MYLK4: variants seen among roughly 807,000 people sequenced by gnomAD.
MYLK4 encodes myosin light chain kinase family member 4.
Under a neutral mutation model 48.1 loss-of-function variants are expected in MYLK4, and 46 were observed. The observed-to-expected ratio is 0.96, with a 90% CI of 0.75 to 1.22. The LOEUF is 1.22. Ranked by LOEUF, MYLK4 falls within the 50% of genes most tolerant of loss-of-function variation. The pLI is 0.00. For missense variants in MYLK4, 451 were observed against 486.1 expected, an observed-to-expected ratio of 0.93 and a Z score of 0.68; for synonymous variants, 170 against 180.8, an observed-to-expected ratio of 0.94 and a Z score of 0.48.
intron 2 of MYLK4, among the ~76,000 whole-genome samples, chr6:2,731,669 G>A (rs1763483877): frequency 6.6e-6 from 1 of 152,138 alleles, no homozygotes; most frequent in East Asian, 1.9e-4. Flanking sequence ...GGTTGGTGGG[G>A]GAGGGGACTG....
chr6:2,739,851 G>T (rs4959724), intron 2 of MYLK4, among the ~76,000 whole-genome samples: 67,467 of 152,018 alleles, frequency 0.44, 15,391 homozygotes, highest in East Asian at 0.56. Flanking sequence ...TTTCACACAT[G>T]CATGGTACTT....
intron 2 of MYLK4, among the ~76,000 whole-genome samples, chr6:2,724,692 C>T (rs1197253417): frequency 1.3e-5 from 2 of 152,054 alleles, no homozygotes; most frequent in Non-Finnish European, 2.9e-5. Flanking sequence ...TGTAATGATG[C>T]GGTGAACACA....
At chr6:2,766,955 GTTTA>G in the MYLK4 span, among the ~76,000 whole-genome samples, 1 of 152,106 alleles carries the variant, frequency 6.6e-6, no homozygotes, top group Non-Finnish European at 1.5e-5. Context: ...TTAAGAATAA[GTTTA>G]TTTAACATTC....
At chr6:2,763,840 G>A in the MYLK4 span, among the ~76,000 whole-genome samples, 11 of 132,530 alleles carry the variant, frequency 8.3e-5, no homozygotes, top group African/African-American at 1.4e-4. Flanking sequence ...CACTGCTGAG[G>A]GACAAATGAA....
the MYLK4 span, chr6:2,766,132 C>T: frequency 3.2e-6 from 4 of 1,240,240 alleles, no homozygotes; most frequent in African/African-American, 1.6e-5. Context: ...AGGCCGTGGG[C>T]GACGGCGATG....
chr6:2,765,722 T>C, the MYLK4 span: 1 of 1,541,306 alleles, frequency 6.5e-7, no homozygotes, highest in South Asian at 1.2e-5. Flanking sequence ...GCACATCAAC[T>C]CGCACCTGGA....
At chr6:2,681,327 A>G (rs4607473) in intron 7 of MYLK4, among the ~76,000 whole-genome samples, 39,514 of 152,140 alleles carry the variant, frequency 0.26, 6,062 homozygotes, top group East Asian at 0.45. Context: ...ATTCAATAGT[A>G]CATTTGGTTG....
Position 2,683,049 on chromosome 6 carries a change from T to C in MYLK4, c.659A>G (p.Gln220Arg), listed in dbSNP as rs767621139. ...CAGGTCCAAGTGGAGAATGTACATC[T>C]GATGCATGTGCCTTATCCCCTCACA... ...QICEGIRHMH[Q>R]MYILHLDLKP... The change falls in exon 7 of 13, where the codon CAG becomes CGG. Residue 220 changes from glutamine to arginine, a missense_variant. By Grantham distance (43) the Gln-to-Arg change is conservative (BLOSUM62 1). Transcript: ENST00000274643. 1.1e-5 allele frequency: 17 copies of C among 1,614,078 alleles called. No individual in the cohort carries two copies. The highest frequency in any genetic ancestry group is 1.4e-5 in the Non-Finnish European group (17 of 1,180,044).
At chr6:2,770,000 T>C in the MYLK4 span, 1 of 1,413,380 alleles carries the variant, frequency 7.1e-7, no homozygotes, top group Admixed American at 1.9e-5. Flanking sequence ...AGGCTGCTGC[T>C]ATTCCTGAAC....
intron 2 of MYLK4, among the ~76,000 whole-genome samples, chr6:2,740,167 G>A (rs1438716526): frequency 6.6e-6 from 1 of 152,218 alleles, no homozygotes; most frequent in African/African-American, 2.4e-5. Context: ...GGTCTCCACT[G>A]TAAAGTGGAG....
At chr6:2,675,291 G>T (rs1423253653) in intron 10 of MYLK4, among the ~76,000 whole-genome samples, 166 bp from the exon 11 acceptor site, 1 of 152,132 alleles carries the variant, frequency 6.6e-6, no homozygotes, top group Admixed American at 6.5e-5. Flanking sequence ...TGATGGCATA[G>T]GTGACTATCG....
At chr6:2,690,086 A>G (rs1320623444) in intron 3 of MYLK4, among the ~76,000 whole-genome samples, 1 of 152,312 alleles carries the variant, frequency 6.6e-6, no homozygotes, top group East Asian at 1.9e-4. Flanking sequence ...TTAGTCTGTA[A>G]TGCTTGCTGG....
rs1429379983 is a variant in MYLK4, at chr6:2,679,225, T to C, written c.887+55A>G. 1.9e-6 allele frequency: 3 copies of C among 1,605,190 alleles called. No homozygotes were observed. In the Admixed American group the frequency reaches 5.2e-5, roughly 28 times the overall value. On this transcript the variant is annotated intron_variant, in intron 9 of 12. Transcript: ENST00000274643. ...GGCTTTTATTTAAAACGGCAAAACC[T>C]CAGAAAATATGCATGGAGTTGGAGA...
chr6:2,721,546 T>C (rs1350818322), intron 2 of MYLK4, among the ~76,000 whole-genome samples: 2 of 152,198 alleles, frequency 1.3e-5, no homozygotes, highest in African/African-American at 4.8e-5. Context: ...CCTTTTCTTT[T>C]TGTGTTATAA....
intron 2 of MYLK4, among the ~76,000 whole-genome samples, chr6:2,715,354 T>A (rs923241223): frequency 2.6e-5 from 4 of 152,108 alleles, no homozygotes; most frequent in Non-Finnish European, 5.9e-5. Context: ...ACAATGTGAA[T>A]GTACTTAGCA....
the MYLK4 span, among the ~76,000 whole-genome samples, chr6:2,767,014 A>G: frequency 1.3e-5 from 2 of 152,204 alleles, no homozygotes; most frequent in African/African-American, 2.4e-5. Context: ...ATACTCATGT[A>G]TTTACAAAAC....
chr6:2,707,092 C>T lies in MYLK4; in HGVS notation c.160-14233G>A, dbSNP rs574974580. Among the ~76,000 whole-genome samples the T allele has an allele frequency of 1.2e-4, 18 of 152,274 alleles. 1 individual carries two copies. The South Asian group carries it at 3.1e-3, about 26-fold the overall frequency. ...AGGAACATACCTGCACAAAGCAACA[C>T]GGGACAGTATACGTTTTTCTTCCTC... On this transcript the variant is annotated intron_variant, in intron 2 of 12. Transcript: ENST00000274643.
At chr6:2,716,032 A>T (rs1261740740) in intron 2 of MYLK4, among the ~76,000 whole-genome samples, 1 of 150,996 alleles carries the variant, frequency 6.6e-6, no homozygotes, top group Non-Finnish European at 1.5e-5. Flanking sequence ...TTTTTTTTTT[A>T]AACTCTAGTA....
At chr6:2,753,742 A>T (rs1764354762), upstream of MYLK4, among the ~76,000 whole-genome samples, 1 of 152,192 alleles carries the variant, frequency 6.6e-6, no homozygotes, top group Non-Finnish European at 1.5e-5. Context: ...ACCAAAGAAG[A>T]TATAAAAATG....
Sources: allele counts gnomAD v4.1 joint callset (sites outside exome capture counted in the v4.1 genomes callset), GRCh38; gene constraint gnomAD v4.1.1; transcripts MANE v1.5; gene names NCBI Gene and HGNC (gene_info 2026-07-23, HGNC 2026-07-21).